Variants in FOXJ2 observed in about 807,000 individuals in gnomAD.
FOXJ2 encodes forkhead box protein J2.
FOXJ2 carries 18 observed loss-of-function variants against 68.4 expected under a neutral mutation model. That is an observed-to-expected ratio of 0.26 (90% confidence interval 0.18 to 0.39). The LOEUF is 0.39. Ranked by LOEUF, FOXJ2 falls within the 10% of genes least tolerant of loss-of-function variation. FOXJ2 has a pLI of 1.00. For synonymous variants in FOXJ2, 274 were observed against 263.2 expected (o/e 1.04, Z -0.40); for missense variants, 670 against 726.5 (o/e 0.92, Z 0.89).
In FOXJ2 at chr12:8,038,868, A is replaced by G. The variant is rs1946929908; in HGVS notation, c.-14-951A>G. On this transcript the variant is annotated intron_variant, in intron 1 of 10. Coordinates refer to ENST00000162391, the MANE Select transcript of FOXJ2 (RefSeq NM_018416.3). The surrounding 1 kb of genome is among the most constrained non-coding windows in gnomAD (Gnocchi z 5.3). Reference sequence around the variant, plus strand: ...CCTGGCTGGGAAGGAAGGAGGGAGGAGGAGGGCGGAGAAGGGGAGCCAGCT... The same window carrying G: ...CCTGGCTGGGAAGGAAGGAGGGAGGGGGAGGGCGGAGAAGGGGAGCCAGCT... Among the ~76,000 whole-genome samples the G allele has an allele frequency of 6.6e-6, 1 of 152,078 alleles. No homozygotes were observed. Among genetic ancestry groups the G allele is most frequent in the South Asian group, 2.1e-4 (1 of 4,820 alleles).
Position 8,032,750 on chromosome 12 carries a change from A to G in FOXJ2, c.-1098A>G, listed in dbSNP as rs1946851313. 2.5e-6 allele frequency: 1 copy of G among 397,162 alleles called. No individual in the cohort carries two copies. Among genetic ancestry groups the G allele is most frequent in the South Asian group, 1.3e-4 (1 of 7,854 alleles). 24.6% of individuals were successfully genotyped at this position (397,162 alleles called of 1,614,324 possible). A position where few individuals can be genotyped will look rare whatever the true frequency, so the allele number is the denominator to read the frequency against. On this transcript the variant is annotated 5_prime_UTR_variant, in exon 1 of 11. Coordinates refer to ENST00000162391, the MANE Select transcript of FOXJ2 (RefSeq NM_018416.3). This position sits in a 1 kb window ranked among gnomAD's most constrained non-coding sequence, Gnocchi z 4.8. The stretch of plus-strand genomic sequence containing the variant: ...CCGAGCCGAGCCCGAGCCCGCGCCG[A>G]GCCCTGACACTGTCTGCCCGCCTTC...
chr12:8,034,497 T>C (rs1946871596), intron 1 of FOXJ2, among the ~76,000 whole-genome samples: 1 of 152,174 alleles, frequency 6.6e-6, no homozygotes, highest in South Asian at 2.1e-4. Flanking sequence ...GAGAAGAAAG[T>C]GTGCAGGGGA....
intron 6 of FOXJ2, among the ~76,000 whole-genome samples, chr12:8,047,022 C>G (rs1947046203): frequency 6.6e-6 from 1 of 152,072 alleles, no homozygotes; most frequent in Non-Finnish European, 1.5e-5. Flanking sequence ...TTTATTGTGA[C>G]CGAAAGCCCC....
Position 8,048,292 on chromosome 12 carries a change from G to A in FOXJ2, c.1225+3G>A, listed in dbSNP as rs754459510. 5 of 1,558,068 alleles carry A rather than the reference G, an allele frequency of 3.2e-6. No individual in the cohort carries two copies. In the Admixed American group the frequency reaches 9.5e-5, roughly 30 times the overall value. ...TCCCATCAACAACACTGGCTTTGGT[G>A]AGTAAGGAGGGTGCACAGTGATCTA... On this transcript the variant is annotated splice_donor_region_variant and intron_variant, in intron 7 of 10. Coordinates refer to ENST00000162391, the MANE Select transcript of FOXJ2 (RefSeq NM_018416.3).
Position 8,033,170 on chromosome 12 carries a change from G to A in FOXJ2, c.-678G>A, listed in dbSNP as rs1397590988. 3 of 305,608 alleles carry A rather than the reference G, an allele frequency of 9.8e-6. No homozygotes were observed. Among genetic ancestry groups the A allele is most frequent in the Non-Finnish European group, 1.8e-5 (3 of 167,316 alleles). 18.9% of individuals were successfully genotyped at this position (305,608 alleles called of 1,614,324 possible). On this transcript the variant is annotated 5_prime_UTR_variant, in exon 1 of 11. Coordinates refer to ENST00000162391, the MANE Select transcript of FOXJ2 (RefSeq NM_018416.3). ...GGAGACCCCCAGAAGTGGAAAGAAG[G>A]GAGCTTTCCGTAGGGAAGCAGAGTG...
At chr12:8,043,903 G>A in intron 4 of FOXJ2, 48 bp from the exon 5 acceptor site, 1 of 1,567,996 alleles carries the variant, frequency 6.4e-7, no homozygotes, top group Admixed American at 2.0e-5. Context: ...GGTCTTGGGA[G>A]GATATTGCGC....
intron 10 of FOXJ2, 117 bp from the exon 11 acceptor site, chr12:8,052,645 C>T (rs776442646): frequency 2.2e-4 from 171 of 791,294 alleles, no homozygotes; most frequent in Admixed American, 3.7e-4. Context: ...CTGATAAGGG[C>T]GATAGCCTCA....
At chr12:8,034,359 A>G (rs960800294) in intron 1 of FOXJ2, among the ~76,000 whole-genome samples, 4 of 152,202 alleles carry the variant, frequency 2.6e-5, no homozygotes, top group Non-Finnish European at 5.9e-5. Context: ...AAGAAAAGCA[A>G]TCTGTTCCTG....
intron 4 of FOXJ2, 72 bp from the exon 5 acceptor site, chr12:8,043,879 G>C (rs1947000700): frequency 1.3e-6 from 2 of 1,590,324 alleles, no homozygotes; most frequent in East Asian, 4.5e-5. Flanking sequence ...AATACCAGCA[G>C]AGGGGAAACC....
intron 5 of FOXJ2, 127 bp from the exon 6 acceptor site, chr12:8,044,633 G>C (rs1334162370): frequency 8.1e-6 from 7 of 863,538 alleles, no homozygotes; most frequent in African/African-American, 1.7e-5. Flanking sequence ...AGGAGAAAAT[G>C]ATGCTGGGTC....
intron 1 of FOXJ2, among the ~76,000 whole-genome samples, chr12:8,037,135 G>A (rs1359892117): frequency 6.6e-6 from 1 of 152,134 alleles, no homozygotes; most frequent in Non-Finnish European, 1.5e-5. Context: ...CACTTCATCA[G>A]AGAGGCACGG....
At chr12:8,050,474 A>G in intron 9 of FOXJ2, 48 bp from the exon 10 acceptor site, 1 of 1,597,526 alleles carries the variant, frequency 6.3e-7, no homozygotes, top group Non-Finnish European at 8.5e-7. Context: ...TGTTGAGTAC[A>G]GTGACCCGCC....
In FOXJ2 at chr12:8,047,927, A is replaced by T. The variant is rs748419679; in HGVS notation, c.863A>T (p.Tyr288Phe). The T allele has an allele frequency of 9.9e-6, 16 of 1,612,120 alleles. No individual in the cohort carries two copies. The highest frequency in any genetic ancestry group is 1.4e-5 in the Non-Finnish European group (16 of 1,178,918). ...GACATCCCACCCTCGAACAACTACT[A>T]CATGTATCAGCAGCAGCAGCCACCG... is the stretch of plus-strand genomic sequence containing the variant. ...LGDIPPSNNY[Y>F]MYQQQQPPPP... Residue 288 changes from tyrosine (Y) to phenylalanine (F), a missense_variant, in exon 7 of 11, where the codon TAC (tyrosine) becomes TTC (phenylalanine). Physicochemically the swap from Tyr to Phe is conservative, Grantham distance 22. This residue lies in a region of FOXJ2 where 555 missense variants were observed against 562.2 expected (regional missense o/e 0.99). Transcript: ENST00000162391.
chr12:8,042,407 T>A (rs1465311828), intron 2 of FOXJ2, among the ~76,000 whole-genome samples: 1 of 152,226 alleles, frequency 6.6e-6, no homozygotes, highest in Non-Finnish European at 1.5e-5. Context: ...AATCAGTTTT[T>A]TCAGAAGCAT....
At chr12:8,048,874 G>A in intron 8 of FOXJ2, 76 bp downstream of exon 8, 2 of 1,224,900 alleles carry the variant, frequency 1.6e-6, no homozygotes, top group Non-Finnish European at 2.4e-6. Flanking sequence ...ACCGGAAGGG[G>A]GTGGTTAAAT....
chr12:8,054,324 G>A lies in FOXJ2; in HGVS notation c.*1474G>A, dbSNP rs1591583533. The A allele has an allele frequency of 6.6e-6, 1 of 152,206 alleles. No individual in the cohort carries two copies. The highest frequency in any genetic ancestry group is 6.5e-5 in the Admixed American group (1 of 15,278). 9.4% of individuals were successfully genotyped at this position (152,206 alleles called of 1,614,324 possible). A position where few individuals can be genotyped will look rare whatever the true frequency, so the allele number is the denominator to read the frequency against. On this transcript the variant is annotated 3_prime_UTR_variant, in exon 11 of 11. Coordinates refer to ENST00000162391, the MANE Select transcript of FOXJ2 (RefSeq NM_018416.3). ...ATGTTGATTGTTGAATTTTAGTTAC[G>A]AGAGGGAAGAACAATTTTACTTCTG...
intron 7 of FOXJ2, 36 bp downstream of exon 7, chr12:8,048,325 G>A (rs1403106580): frequency 6.6e-7 from 1 of 1,515,728 alleles, no homozygotes; most frequent in East Asian, 2.3e-5. Context: ...CTAGAGGAGG[G>A]TGGGGTGATG....
At chr12:8,051,137 T>TCC (rs1288449292) in intron 10 of FOXJ2, among the ~76,000 whole-genome samples, 2 of 51,120 alleles carry the variant, frequency 3.9e-5, no homozygotes, top group African/African-American at 1.5e-4. Flanking sequence ...CCTTCCCCTT[T>TCC]TCTTTTCTTT....
intron 3 of FOXJ2, among the ~76,000 whole-genome samples, chr12:8,043,136 G>C (rs752563231): frequency 1.7e-3 from 236 of 141,534 alleles, no homozygotes; most frequent in African/African-American, 6.2e-3. Flanking sequence ...AGAATTGCTT[G>C]AACCTGGGAG....
Sources: gnomAD v4.1 joint callset for allele counts (sites outside exome capture counted in the v4.1 genomes callset) on GRCh38, gnomAD v4.1.1 for gene constraint, gnomAD v4.1.1 regional missense constraint, Gnocchi (gnomAD v3.1) non-coding constraint, MANE v1.5 for transcripts, NCBI Gene and HGNC (gene_info 2026-07-23, HGNC 2026-07-21) for gene names.